Variants in HERC2 observed in about 807,000 individuals in gnomAD.
HERC2 encodes the protein HECT and RLD domain containing E3 ubiquitin protein ligase 2, also known as E3 ubiquitin-protein ligase HERC2.
Under a neutral mutation model 537.7 loss-of-function variants are expected in HERC2, and 102 were observed. The ratio of observed to expected loss-of-function variants is 0.19; its 90% CI spans 0.16 to 0.22. The LOEUF (loss-of-function observed/expected upper bound fraction) is 0.22. Ranked by LOEUF, HERC2 falls within the 10% of genes least tolerant of loss-of-function variation. The pLI is 1.00. For synonymous variants in HERC2, 2,224 were observed against 2,466.2 expected, an observed-to-expected ratio of 0.90 and a Z score of 2.91; for missense variants, 4,236 against 6,198.2, an observed-to-expected ratio of 0.68 and a Z score of 10.63.
intron 15 of HERC2, among the ~76,000 whole-genome samples, chr15:28,261,649 C>T (rs988684801): frequency 4.6e-5 from 7 of 152,082 alleles, no homozygotes; most frequent in African/African-American, 1.4e-4. Flanking sequence ...TAATGATTGT[C>T]GTAGCTTTCC....
intron 56 of HERC2, among the ~76,000 whole-genome samples, 171 bp from the exon 57 acceptor site, chr15:28,182,683 T>C (rs532778750): frequency 3.7e-4 from 56 of 152,262 alleles, no homozygotes; most frequent in African/African-American, 1.3e-3. Flanking sequence ...CAGGAGTAAG[T>C]CCTCTGGAGG....
At chr15:28,173,619 C>G (rs913101189) in intron 65 of HERC2, among the ~76,000 whole-genome samples, 1 of 151,856 alleles carries the variant, frequency 6.6e-6, no homozygotes, top group Non-Finnish European at 1.5e-5. Flanking sequence ...AGCAACATGG[C>G]AAAACCCTCT....
At chr15:28,140,276 C>T (rs1174273392) in intron 78 of HERC2, among the ~76,000 whole-genome samples, 1 of 152,056 alleles carries the variant, frequency 6.6e-6, no homozygotes, top group African/African-American at 2.4e-5. Flanking sequence ...CAGGAGCCTC[C>T]ACCCACTCCT....
intron 83 of HERC2, among the ~76,000 whole-genome samples, chr15:28,126,033 A>G (rs1889444244): frequency 6.6e-6 from 1 of 152,222 alleles, no homozygotes; most frequent in Non-Finnish European, 1.5e-5. Context: ...GCTGGTCTCG[A>G]ACTCCTGACT....
chr15:28,153,151 C>T (rs1444530210), intron 69 of HERC2, among the ~76,000 whole-genome samples: 2 of 152,152 alleles, frequency 1.3e-5, no homozygotes, highest in Non-Finnish European at 2.9e-5. Flanking sequence ...GTCAGGAGTT[C>T]GAGATCAGCC....
chr15:28,186,471 AT>A, intron 56 of HERC2, 105 bp downstream of exon 56: 1 of 829,510 alleles, frequency 1.2e-6, no homozygotes, highest in South Asian at 2.5e-5. Context: ...TGGACATAAA[AT>A]GACTCTCAGT....
At chr15:28,317,378 C>T (rs1596474624) in intron 2 of HERC2, among the ~76,000 whole-genome samples, 2 of 152,270 alleles carry the variant, frequency 1.3e-5, no homozygotes, top group Admixed American at 6.5e-5. Context: ...CGTGAGCCAC[C>T]GCGCCCAGCC....
At position 28,176,439 on chromosome 15, in the gene HERC2, C is replaced by A. The variant is rs1164612852; in HGVS notation, c.9675G>T (p.Val3225=). ...GGACGTTTACGTACCATGTCCACACCACTCCAGACTTGGTGAGCGCCAGGG... is the reference window on the plus strand; with the variant it reads ...GGACGTTTACGTACCATGTCCACACAACTCCAGACTTGGTGAGCGCCAGGG... ...QFSLALTKSG[V]VWTWGKGDYF... Residue 3225 remains valine, a synonymous_variant, in exon 63 of 93, where the codon GTG becomes GTT. Coordinates refer to ENST00000261609, the MANE Select transcript of HERC2 (RefSeq NM_004667.6). The surrounding 1 kb of genome is among the most constrained non-coding windows in gnomAD (Gnocchi z 5.0). 1.2e-6 allele frequency: 2 copies of A among 1,613,988 alleles called. No homozygotes were observed. The highest frequency in any genetic ancestry group is 1.7e-6 in the Non-Finnish European group (2 of 1,179,920).
In HERC2 at chr15:28,275,009, C is replaced by T. The variant is rs373433092; in HGVS notation, c.543-4G>A. 3 of 1,593,100 alleles carry T rather than the reference C, an allele frequency of 1.9e-6. No homozygotes were observed. Among genetic ancestry groups the T allele is most frequent in the African/African-American group, 1.3e-5 (1 of 74,700 alleles). ...ACCTTTGCCCGCAGGCCGGGAACTG[C>T]AGACGACACACACGGAACATACAAC... On this transcript the variant is annotated splice_polypyrimidine_tract_variant and splice_region_variant and intron_variant, in intron 5 of 92. Transcript: ENST00000261609.
intron 46 of HERC2, 42 bp from the exon 47 acceptor site, chr15:28,202,291 C>G (rs370441161): frequency 4.3e-6 from 7 of 1,612,924 alleles, no homozygotes; most frequent in Non-Finnish European, 5.9e-6. Flanking sequence ...TGTGAGTCAA[C>G]AGCCCTGAAG....
In HERC2 at chr15:28,293,035, A is replaced by T. The variant is rs776198095; in HGVS notation, c.188-13T>A. 1 of 1,597,434 alleles carries T rather than the reference A, an allele frequency of 6.3e-7. No individual in the cohort carries two copies. Among genetic ancestry groups the T allele is most frequent in the Non-Finnish European group, 8.5e-7 (1 of 1,176,462 alleles). On this transcript the variant is annotated splice_polypyrimidine_tract_variant and intron_variant, in intron 3 of 92. Transcript: ENST00000261609. ...TCGACACTATCATCTGCAGAATTAA[A>T]AATTTTTTAATCTGTCACCGCTTTT...
At chr15:28,125,796 C>T (rs1381011583) in intron 83 of HERC2, among the ~76,000 whole-genome samples, 1 of 152,144 alleles carries the variant, frequency 6.6e-6, no homozygotes, top group Non-Finnish European at 1.5e-5. Flanking sequence ...CACCTCATCT[C>T]CCAAAGTGTT....
At chr15:28,308,781 C>T (rs1319281395) in intron 2 of HERC2, among the ~76,000 whole-genome samples, 1 of 152,168 alleles carries the variant, frequency 6.6e-6, no homozygotes, top group South Asian at 2.1e-4. Flanking sequence ...TTATCAAATG[C>T]CTTTTCAGCA....
chr15:28,298,007 G>T (rs1194525555), intron 3 of HERC2, among the ~76,000 whole-genome samples: 15 of 81,840 alleles, frequency 1.8e-4, no homozygotes, highest in East Asian at 8.9e-4. Context: ...GTCAGTTATT[G>T]TGTGTGTGTG....
intron 81 of HERC2, 66 bp from the exon 82 acceptor site, chr15:28,130,660 C>G: frequency 9.2e-7 from 1 of 1,086,974 alleles, no homozygotes; most frequent in South Asian, 1.3e-5. Flanking sequence ...TATAACCACA[C>G]TGAGATTTAA....
rs976503689 is a variant in HERC2 at position 28,168,522 on chromosome 15, G to A, written c.10298C>T (p.Ser3433Leu). The A allele has an allele frequency of 1.8e-5, 29 of 1,614,100 alleles. No homozygotes were observed. The highest frequency in any genetic ancestry group is 1.6e-4 in the Middle Eastern group (1 of 6,082). Residue 3433 changes from serine to leucine, a missense_variant, in exon 67 of 93, where the codon TCG (serine) becomes TTG (leucine). This residue lies in a region of HERC2 where 356 missense variants were observed against 450.9 expected (regional missense o/e 0.79). Transcript: ENST00000261609. Reference protein sequence around the residue: ...IAPVECPSFSSAAPSDASAMA... With the variant: ...IAPVECPSFSLAAPSDASAMA... The stretch of plus-strand genomic sequence containing the variant: ...CGCAGATGCGTCGGAAGGGGCCGCC[G>A]AGGAGAACGAGGGGCACTCCACCGG...
intron 5 of HERC2, among the ~76,000 whole-genome samples, chr15:28,277,039 C>A (rs1399473214): frequency 6.6e-6 from 1 of 152,096 alleles, no homozygotes; most frequent in Non-Finnish European, 1.5e-5. Context: ...TATATCACTG[C>A]ACTCCAGCTT....
At chr15:28,296,944 C>G (rs1421907110) in intron 3 of HERC2, among the ~76,000 whole-genome samples, 1 of 152,182 alleles carries the variant, frequency 6.6e-6, no homozygotes, top group African/African-American at 2.4e-5. Context: ...GCCAGTGATG[C>G]AACTGCTCTC....
intron 12 of HERC2, 91 bp from the exon 13 acceptor site, chr15:28,266,065 G>T: frequency 7.2e-7 from 1 of 1,392,574 alleles, no homozygotes; most frequent in Non-Finnish European, 9.9e-7. Context: ...TCCAAATTTA[G>T]ACCAGCATAG....
Sources: allele counts gnomAD v4.1 joint callset (sites outside exome capture counted in the v4.1 genomes callset), GRCh38; gene constraint gnomAD v4.1.1; regional missense constraint gnomAD v4.1.1; non-coding constraint Gnocchi (gnomAD v3.1); transcripts MANE v1.5; gene names NCBI Gene and HGNC (gene_info 2026-07-23, HGNC 2026-07-21).